USP31: variants seen among roughly 807,000 people sequenced by gnomAD.
USP31 encodes ubiquitin carboxyl-terminal hydrolase 31.
Under a neutral mutation model 119.4 loss-of-function variants are expected in USP31, and 44 were observed. The ratio of observed to expected loss-of-function variants is 0.37; its 90% CI spans 0.29 to 0.47. USP31 has a LOEUF of 0.47. Ranked by LOEUF, USP31 falls within the 20% of genes least tolerant of loss-of-function variation. The pLI, the probability that USP31 is intolerant of heterozygous loss-of-function variation, is 0.99. For missense variants in USP31, 1,643 were observed against 1,730.2 expected, an observed-to-expected ratio of 0.95 and a Z score of 0.89; for synonymous variants, 749 against 705.6, an observed-to-expected ratio of 1.06 and a Z score of -0.97.
In USP31 at chr16:23,066,482, A is replaced by T. The variant is rs1196697280; in HGVS notation, c.*1564T>A. The T allele has an allele frequency of 2.0e-5, 3 of 152,398 alleles. No homozygotes were observed. Among genetic ancestry groups the T allele is most frequent in the African/African-American group, 7.2e-5 (3 of 41,464 alleles). The allele number at this position is 152,398 out of a possible 1,614,324, so 9.4% of individuals were successfully genotyped here. On this transcript the variant is annotated 3_prime_UTR_variant, in exon 16 of 16. Transcript: ENST00000219689. ...TATGTGTTGTAGTTAATTCACACAC[A>T]GCAATACTGAAAAGGGAGGTTATAT...
intron 11 of USP31, among the ~76,000 whole-genome samples, chr16:23,082,913 C>A (rs555129813): frequency 6.9e-6 from 1 of 144,802 alleles, no homozygotes; most frequent in East Asian, 2.0e-4. Flanking sequence ...TCACTGCAAC[C>A]TCCACCCATC....
chr16:23,091,873 A>C (rs1233291156), intron 6 of USP31, among the ~76,000 whole-genome samples: 6 of 152,234 alleles, frequency 3.9e-5, no homozygotes, highest in African/African-American at 9.7e-5. Flanking sequence ...CTTACTTCCT[A>C]ACCATTTTAA....
chr16:23,121,004 T>G (rs1902649675), intron 1 of USP31, among the ~76,000 whole-genome samples: 1 of 152,174 alleles, frequency 6.6e-6, no homozygotes, highest in Non-Finnish European at 1.5e-5. Flanking sequence ...ACCTAAAATG[T>G]TTTTAACTGA....
At chr16:23,139,011 A>G (rs1274734028) in intron 1 of USP31, among the ~76,000 whole-genome samples, 1 of 152,246 alleles carries the variant, frequency 6.6e-6, no homozygotes, top group East Asian at 1.9e-4. Flanking sequence ...CTAATGCAGG[A>G]CCAGCACAGA....
At position 23,066,981 on chromosome 16, in the gene USP31, T is replaced by C. The variant is rs1350935574; in HGVS notation, c.*1065A>G. 6.6e-6 allele frequency: 1 copy of C among 152,172 alleles called. No homozygotes were observed. The highest frequency in any genetic ancestry group is 1.5e-5 in the Non-Finnish European group (1 of 68,042). 9.4% of individuals were successfully genotyped at this position (152,172 alleles called of 1,614,324 possible). ...ACACAACGCTTCAACATACCACCAT[T>C]GGCTTTTGGCAGAAGGCAACTTCTT... On this transcript the variant is annotated 3_prime_UTR_variant, in exon 16 of 16. Transcript: ENST00000219689.
intron 1 of USP31, among the ~76,000 whole-genome samples, chr16:23,122,112 T>A (rs1332370224): frequency 2.0e-5 from 3 of 152,206 alleles, no homozygotes; most frequent in Non-Finnish European, 2.9e-5. Context: ...TAAGTCAATT[T>A]TATTATTTCA....
intron 5 of USP31, among the ~76,000 whole-genome samples, chr16:23,103,585 T>C (rs1901971959): frequency 6.6e-6 from 1 of 152,336 alleles, no homozygotes; most frequent in South Asian, 2.1e-4. Context: ...TACTTCCTCT[T>C]TCTGTTATAT....
chr16:23,073,937 G>T, intron 13 of USP31, 57 bp from the exon 14 acceptor site: 1 of 1,609,042 alleles, frequency 6.2e-7, no homozygotes, highest in South Asian at 1.1e-5. Flanking sequence ...CACTTCATGC[G>T]ACCCACAGAC....
At position 23,148,909 on chromosome 16, in the gene USP31, G is replaced by C. The variant is rs1471679778; in HGVS notation, c.362C>G (p.Ala121Gly). 7.3e-7 allele frequency: 1 copy of C among 1,367,976 alleles called. No individual in the cohort carries two copies. Among genetic ancestry groups the C allele is most frequent in the South Asian group, 1.9e-5 (1 of 52,558 alleles). The allele number at this position is 1,367,976 out of a possible 1,614,324, so 84.7% of individuals were successfully genotyped here. ...CCCCGCCACGCCGGGCACCGGCTCGGCGGCGCAAGCGGGCGGCGCGGGAGA... is the reference window on the plus strand; with the variant it reads ...CCCCGCCACGCCGGGCACCGGCTCGCCGGCGCAAGCGGGCGGCGCGGGAGA... ...PASPAPPACA[A>G]EPVPGVAGLR... is the part of the protein sequence containing the mutation. The change falls in exon 1 of 16, where the codon GCC (alanine) becomes GGC (glycine). Residue 121 changes from alanine to glycine, a missense_variant. Physicochemically the swap from Ala to Gly is moderately conservative, Grantham distance 60. Around this residue, in one of 5 missense-constraint regions of USP31, gnomAD observed 302 missense variants for 262.6 expected, o/e 1.15. Transcript: ENST00000219689.
intron 1 of USP31, among the ~76,000 whole-genome samples, chr16:23,122,986 A>G (rs889914741): frequency 6.6e-6 from 1 of 152,186 alleles, no homozygotes; most frequent in African/African-American, 2.4e-5. Context: ...TACTTATTTC[A>G]CTCATAATAA....
rs745746868 is a variant in USP31, at chr16:23,148,728, C to G, written c.543G>C (p.Gln181His). The G allele has an allele frequency of 2.0e-6, 3 of 1,483,682 alleles. No individual in the cohort carries two copies. Among genetic ancestry groups the G allele is most frequent in the South Asian group, 1.3e-5 (1 of 75,670 alleles). 91.9% of individuals were successfully genotyped at this position (1,483,682 alleles called of 1,614,324 possible). ...DPEQPAGRGA[Q>H]GQGEVTEQLA... ...GCTGCTCAGTGACCTCGCCCTGGCC[C>G]TGCGCGCCGCGGCCCGCAGGCTGCT... The change falls in exon 1 of 16, where the codon CAG becomes CAC. Residue 181 changes from glutamine (Q) to histidine (H), a missense_variant. This residue lies in a region of USP31 where 302 missense variants were observed against 262.6 expected (regional missense o/e 1.15). Transcript: ENST00000219689.
intron 13 of USP31, among the ~76,000 whole-genome samples, chr16:23,074,770 T>TA (rs1567225890): frequency 6.6e-6 from 1 of 152,196 alleles, no homozygotes; most frequent in East Asian, 1.9e-4. Flanking sequence ...AACATTCAAG[T>TA]AGCAGCAAAA....
intron 6 of USP31, 83 bp downstream of exon 6, chr16:23,102,236 A>G: frequency 1.4e-6 from 2 of 1,380,740 alleles, no homozygotes; most frequent in Non-Finnish European, 1.9e-6. Context: ...AATGTATATC[A>G]TTATATAATA....
intron 1 of USP31, among the ~76,000 whole-genome samples, chr16:23,121,514 T>C (rs1902668618): frequency 6.6e-6 from 1 of 152,214 alleles, no homozygotes; most frequent in Non-Finnish European, 1.5e-5. Context: ...GTCATCTGCC[T>C]GTCTTATGTG....
At chr16:23,076,877 C>T (rs1900596977) in intron 13 of USP31, among the ~76,000 whole-genome samples, 1 of 152,202 alleles carries the variant, frequency 6.6e-6, no homozygotes, top group Non-Finnish European at 1.5e-5. Context: ...AAATGACCTC[C>T]ACATCCCTTT....
intron 1 of USP31, among the ~76,000 whole-genome samples, chr16:23,144,528 G>A (rs2141906497): frequency 6.6e-6 from 1 of 151,848 alleles, no homozygotes; most frequent in East Asian, 1.9e-4. Flanking sequence ...CACCCAGGCT[G>A]GAGCGCAGTG....
chr16:23,148,800 C>A lies in USP31; in HGVS notation c.471G>T (p.Ala157=), dbSNP rs781294229. The change falls in exon 1 of 16, where the codon GCG becomes GCT. Residue 157 remains alanine (A), a synonymous_variant. Transcript: ENST00000219689. ...GCCGCCCCGCCCGGTACTGGCCCAG[C>A]GCCAGGTACTCGGCGAAGAGCTCGG... ...SNTELFAEYL[A]LGQYRAGRPE... 1 of 1,537,566 alleles carries A rather than the reference C, an allele frequency of 6.5e-7. No homozygotes were observed. The highest frequency in any genetic ancestry group is 2.7e-5 in the East Asian group (1 of 37,220).
chr16:23,100,443 T>C (rs935550672), intron 6 of USP31, among the ~76,000 whole-genome samples: 2 of 152,158 alleles, frequency 1.3e-5, no homozygotes, highest in African/African-American at 2.4e-5. Flanking sequence ...TCCATTTATA[T>C]AGAAGTCTAG....
chr16:23,134,596 T>A (rs1190203472), intron 1 of USP31, among the ~76,000 whole-genome samples: 1 of 146,100 alleles, frequency 6.8e-6, no homozygotes, highest in South Asian at 2.1e-4. Flanking sequence ...TTAAAGGAAA[T>A]CCTCACTGTA....
Sources: gnomAD v4.1 joint callset for allele counts (sites outside exome capture counted in the v4.1 genomes callset) on GRCh38, gnomAD v4.1.1 for gene constraint, gnomAD v4.1.1 regional missense constraint, MANE v1.5 for transcripts, NCBI Gene and HGNC (gene_info 2026-07-23, HGNC 2026-07-21) for gene names.